FSTL1: variants seen among roughly 807,000 people sequenced by gnomAD.
The protein encoded by FSTL1 is follistatin like 1, also known as follistatin-related protein 1.
FSTL1 carries 24 observed loss-of-function variants against 45.9 expected under a neutral mutation model. The observed-to-expected ratio is 0.52, with a 90% confidence interval of 0.38 to 0.74. FSTL1 has a LOEUF of 0.74. FSTL1 is among the 30% of genes least tolerant of loss of function. The pLI, the probability that FSTL1 is intolerant of heterozygous loss-of-function variation, is 0.00. For synonymous variants in FSTL1, 120 were observed against 137.6 expected, an observed-to-expected ratio of 0.87 and a Z score of 0.89; for missense variants, 340 against 381.8, an observed-to-expected ratio of 0.89 and a Z score of 0.91.
chr3:120,435,026 C>T (rs1937527023), intron 2 of FSTL1, among the ~76,000 whole-genome samples: 1 of 152,130 alleles, frequency 6.6e-6, no homozygotes, highest in Non-Finnish European at 1.5e-5. Context: ...CAAGACCAGC[C>T]TGGCCAACAT....
In FSTL1 at chr3:120,393,180, C is replaced by G. The variant is rs886934653; in HGVS notation, c.*3772G>C. On this transcript the variant is annotated 3_prime_UTR_variant, in exon 11 of 11. Transcript: ENST00000295633. ...TAAGAGCAGTAATCTGTAGCAATCACATAACAAAAAAGATTGCCTTTTAAT... is the reference window on the plus strand; with the variant it reads ...TAAGAGCAGTAATCTGTAGCAATCAGATAACAAAAAAGATTGCCTTTTAAT... 6.6e-6 allele frequency: 1 copy of G among 152,116 alleles called. No homozygotes were observed. Among genetic ancestry groups the G allele is most frequent in the Non-Finnish European group, 1.5e-5 (1 of 68,036 alleles). 9.4% of individuals were successfully genotyped at this position (152,116 alleles called of 1,614,324 possible). A position where few individuals can be genotyped will look rare whatever the true frequency, so the allele number is the denominator to read the frequency against.
chr3:120,443,012 G>T lies in FSTL1; in HGVS notation c.63+7672C>A, dbSNP rs1262355816. ...AAGGCTAGATGACGAGTTAGTGGGT[G>T]CAGTGCACCAGCATGGCACATGTAT... On this transcript the variant is annotated intron_variant, in intron 2 of 10. Coordinates refer to ENST00000295633, the MANE Select transcript of FSTL1 (RefSeq NM_007085.5). 6.8e-5 allele frequency among the ~76,000 whole-genome samples: 10 copies of T among 146,748 alleles called. No individual in the cohort carries two copies. The East Asian group carries it at 2.0e-3, about 29-fold the overall frequency.
intron 2 of FSTL1, among the ~76,000 whole-genome samples, chr3:120,424,750 G>A (rs1937346684): frequency 6.6e-6 from 1 of 152,114 alleles, no homozygotes; most frequent in Non-Finnish European, 1.5e-5. Flanking sequence ...GAGTCTGGGG[G>A]GCTGCCAGAT....
intron 6 of FSTL1, among the ~76,000 whole-genome samples, chr3:120,407,505 T>C (rs970803437): frequency 1.3e-5 from 2 of 152,256 alleles, no homozygotes; most frequent in Non-Finnish European, 2.9e-5. Context: ...TCACTGGTTA[T>C]GGTGAAAGTC....
intron 2 of FSTL1, among the ~76,000 whole-genome samples, chr3:120,446,916 C>G (rs1414637103): frequency 6.6e-6 from 1 of 152,252 alleles, no homozygotes; most frequent in East Asian, 1.9e-4. Flanking sequence ...AGCATGGATC[C>G]CTTACTGGAA....
chr3:120,425,241 C>T (rs757273469), intron 2 of FSTL1, among the ~76,000 whole-genome samples: 10 of 151,608 alleles, frequency 6.6e-5, no homozygotes, highest in Non-Finnish European at 1.5e-4. Context: ...GCAAAGCAGC[C>T]GAGAGTAGAG....
At chr3:120,421,859 T>G (rs1285820896) in intron 2 of FSTL1, among the ~76,000 whole-genome samples, 1 of 152,170 alleles carries the variant, frequency 6.6e-6, no homozygotes, top group African/African-American at 2.4e-5. Flanking sequence ...GGCCTCAAGC[T>G]TAAATGGTTT....
rs201510331 is a variant in FSTL1 at position 120,440,182 on chromosome 3, G to A, written c.63+10502C>T. On this transcript the variant is annotated intron_variant, in intron 2 of 10. Coordinates refer to ENST00000295633, the MANE Select transcript of FSTL1 (RefSeq NM_007085.5). The stretch of plus-strand genomic sequence containing the variant: ...CTCCTAAGTCACTGATCATTAGGCT[G>A]CAAATGCTCCACTGTAAAAACTGCA... 3.9e-5 allele frequency among the ~76,000 whole-genome samples: 6 copies of A among 152,324 alleles called. No homozygotes were observed. The East Asian group carries it at 1.2e-3, about 29-fold the overall frequency.
chr3:120,425,453 A>G (rs1483500696), intron 2 of FSTL1, among the ~76,000 whole-genome samples: 1 of 152,048 alleles, frequency 6.6e-6, no homozygotes, highest in Admixed American at 6.5e-5. Flanking sequence ...TGTCCTGTGT[A>G]AGAAGAATTA....
Position 120,437,337 on chromosome 3 carries a change from T to C in FSTL1, c.63+13347A>G, listed in dbSNP as rs190264773. 1.3e-3 allele frequency among the ~76,000 whole-genome samples: 195 copies of C among 152,342 alleles called. 1 individual carries two copies. The highest frequency in any genetic ancestry group is 4.6e-3 in the African/African-American group (193 of 41,584). ...ATATGGTAGGGAATGAGTGAATGAATGACATGCACTTATTAAATTCATTAA... is the reference window on the plus strand; with the variant it reads ...ATATGGTAGGGAATGAGTGAATGAACGACATGCACTTATTAAATTCATTAA... On this transcript the variant is annotated intron_variant, in intron 2 of 10. Transcript: ENST00000295633.
At chr3:120,444,370 G>A (rs560538563) in intron 2 of FSTL1, among the ~76,000 whole-genome samples, 1 of 149,798 alleles carries the variant, frequency 6.7e-6, no homozygotes, top group South Asian at 2.1e-4. Context: ...TGCTGAGTAG[G>A]ATTTTCAAAC....
chr3:120,450,577 C>A, intron 2 of FSTL1, 107 bp downstream of exon 2: 1 of 674,874 alleles, frequency 1.5e-6, no homozygotes, highest in Non-Finnish European at 2.3e-6. Flanking sequence ...ACCGAAACTC[C>A]CAGCGCCACC....
At position 120,402,897 on chromosome 3, in the gene FSTL1, G is replaced by A. The variant is rs143843913; in HGVS notation, c.716C>T (p.Thr239Met). ...CTCGGTCTCAGCTCCATCTGCATACGTTTCATCCTCCAGGGCACACTCTGT... is the reference window on the plus strand; with the variant it reads ...CTCGGTCTCAGCTCCATCTGCATACATTTCATCCTCCAGGGCACACTCTGT... Reference protein sequence around the residue: ...PEKKCALEDETYADGAETEVD... With the variant: ...PEKKCALEDEMYADGAETEVD... Residue 239 changes from threonine (T) to methionine (M), a missense_variant, in exon 9 of 11, where the codon ACG (threonine) becomes ATG (methionine). Physicochemically the swap from Thr to Met is moderately conservative, Grantham distance 81 (BLOSUM62 -1). Coordinates refer to ENST00000295633, the MANE Select transcript of FSTL1 (RefSeq NM_007085.5). The A allele has an allele frequency of 4.0e-5, 65 of 1,611,468 alleles. No homozygotes were observed. Among genetic ancestry groups the A allele is most frequent in the South Asian group, 7.7e-5 (7 of 91,038 alleles).
At chr3:120,407,262 C>T (rs1158378096) in intron 6 of FSTL1, among the ~76,000 whole-genome samples, 1 of 152,228 alleles carries the variant, frequency 6.6e-6, no homozygotes, top group African/African-American at 2.4e-5. Flanking sequence ...GAGACAGGCA[C>T]TTGCTTGTGC....
chr3:120,429,702 G>T (rs1937444061), intron 2 of FSTL1, among the ~76,000 whole-genome samples: 1 of 152,288 alleles, frequency 6.6e-6, no homozygotes, highest in South Asian at 2.1e-4. Context: ...GCCTTTTGTA[G>T]CCTTAATCTC....
intron 8 of FSTL1, 111 bp from the exon 9 acceptor site, chr3:120,403,029 C>G: frequency 1.3e-6 from 1 of 780,978 alleles, no homozygotes; most frequent in East Asian, 2.5e-5. Flanking sequence ...CTGCCTGTCC[C>G]TCAGAAGCAC....
intron 2 of FSTL1, among the ~76,000 whole-genome samples, chr3:120,430,280 T>C (rs1471269894): frequency 1.3e-5 from 2 of 152,162 alleles, no homozygotes; most frequent in African/African-American, 4.8e-5. Context: ...AGTTACTCAT[T>C]GACTCAGGCT....
intron 2 of FSTL1, among the ~76,000 whole-genome samples, chr3:120,432,105 T>C (rs1559742469): frequency 6.6e-6 from 1 of 152,214 alleles, no homozygotes; most frequent in Non-Finnish European, 1.5e-5. Context: ...ATATGCTTTT[T>C]TGGGGGCATA....
Position 120,409,586 on chromosome 3 carries a change from A to G in FSTL1, c.408T>C (p.Asp136=), listed in dbSNP as rs764301109. The change falls in exon 6 of 11, where the codon GAT becomes GAC. Residue 136 remains aspartate, a synonymous_variant. Transcript: ENST00000295633. ...IQWLEAEIIP[D]GWFSKGSNYS... is the part of the protein sequence containing the mutation. ...AGTTGCTGCCTTTAGAGAACCAGCCATCTGGAATGATCTCAGCTTCCAGCC... is the reference window on the plus strand; with the variant it reads ...AGTTGCTGCCTTTAGAGAACCAGCCGTCTGGAATGATCTCAGCTTCCAGCC... 4.2e-5 allele frequency: 68 copies of G among 1,613,744 alleles called. No individual in the cohort carries two copies. The highest frequency in any genetic ancestry group is 1.1e-4 in the South Asian group (10 of 91,076).
Sources: gnomAD v4.1 joint callset for allele counts (sites outside exome capture counted in the v4.1 genomes callset) on GRCh38, gnomAD v4.1.1 for gene constraint, MANE v1.5 for transcripts, NCBI Gene and HGNC (gene_info 2026-07-23, HGNC 2026-07-21) for gene names.